CCM2L: variants seen among roughly 807,000 people sequenced by gnomAD.
The protein encoded by CCM2L is CCM2 like scaffold protein, also known as cerebral cavernous malformations 2 protein-like.
Under a neutral mutation model 54.1 loss-of-function variants are expected in CCM2L, and 36 were observed. The ratio of observed to expected loss-of-function variants is 0.67; its 90% confidence interval spans 0.51 to 0.88. The LOEUF (loss-of-function observed/expected upper bound fraction) is 0.88, where lower values mean the gene tolerates loss of function less well. Ranked by LOEUF, CCM2L falls within the 40% of genes least tolerant of loss-of-function variation. CCM2L has a pLI of 0.00. For missense variants in CCM2L, 700 were observed against 812.1 expected, an observed-to-expected ratio of 0.86 and a Z score of 1.68; for synonymous variants, 351 against 359.3, an observed-to-expected ratio of 0.98 and a Z score of 0.26.
At chr20:32,028,901 C>G (rs1281718175) in intron 7 of CCM2L, 94 bp from the exon 8 acceptor site, 1 of 1,510,940 alleles carries the variant, frequency 6.6e-7, no homozygotes, top group Non-Finnish European at 9.0e-7. Flanking sequence ...TGGAGGCCAG[C>G]ATGCAGTCTA....
intron 9 of CCM2L, 154 bp from the exon 10 acceptor site, chr20:32,030,847 A>G (rs986546803): frequency 1.6e-5 from 7 of 438,404 alleles, no homozygotes; most frequent in South Asian, 6.1e-5. Context: ...CTGTGTCGTT[A>G]TTCGCTGGCT....
At chr20:32,022,821 C>T in intron 6 of CCM2L, 26 bp downstream of exon 6, 1 of 1,610,476 alleles carries the variant, frequency 6.2e-7, no homozygotes, top group East Asian at 2.2e-5. Context: ...CCTGGCCTCC[C>T]CTCCTGTGAA....
chr20:32,030,403 G>A (rs2064910075), intron 9 of CCM2L, among the ~76,000 whole-genome samples: 1 of 152,170 alleles, frequency 6.6e-6, no homozygotes, highest in East Asian at 1.9e-4. Flanking sequence ...ACTGTTTACA[G>A]AGTGCTCAGT....
chr20:32,031,534 CGG>C lies in CCM2L; in HGVS notation c.*223_*224del. ...GGCCCTGAAGTCCGGGGCAGTCACC[CGG>C]GGCTCCTGGGCCGCTCTGCCGGGCT... On this transcript the variant is annotated 3_prime_UTR_variant, in exon 10 of 10. Transcript: ENST00000452892. The C allele has an allele frequency of 3.2e-6, 1 of 313,344 alleles. No homozygotes were observed. The highest frequency in any genetic ancestry group is 2.8e-5 in the South Asian group (1 of 35,296). 19.4% of individuals were successfully genotyped at this position (313,344 alleles called of 1,614,324 possible). A position where few individuals can be genotyped will look rare whatever the true frequency, so the allele number is the denominator to read the frequency against.
At position 32,031,395 on chromosome 20, in the gene CCM2L, C is replaced by CT; in HGVS notation, c.*81_*82insT. ...CTTCGGGGACCCTATCCCCAGGGCCCCCCCATCACACCTGGCGGGGCCGGG... is the reference window on the plus strand; with the variant it reads ...CTTCGGGGACCCTATCCCCAGGGCCCTCCCCATCACACCTGGCGGGGCCGGG... On this transcript the variant is annotated 3_prime_UTR_variant, in exon 10 of 10. Coordinates refer to ENST00000452892, the MANE Select transcript of CCM2L (RefSeq NM_001365692.1). The CT allele has an allele frequency of 1.1e-5, 13 of 1,147,918 alleles. No individual in the cohort carries two copies. The highest frequency in any genetic ancestry group is 1.4e-5 in the Non-Finnish European group (13 of 901,546). 71.1% of individuals were successfully genotyped at this position (1,147,918 alleles called of 1,614,324 possible).
Position 32,025,868 on chromosome 20 carries a change from A to G in CCM2L, c.1082A>G (p.His361Arg). The change falls in exon 7 of 10, where the codon CAC (histidine) becomes CGC (arginine). Residue 361 changes from histidine to arginine, a missense_variant. Coordinates refer to ENST00000452892, the MANE Select transcript of CCM2L (RefSeq NM_001365692.1). ...CTGCTGGTCCCAGGTGAGAGCTGCC[A>G]CACAGATGGGACGTATGCCTATGAT... Reference protein sequence around the residue: ...PWLCSRSESCHTDGTYAYDAD... With the variant: ...PWLCSRSESCRTDGTYAYDAD... The G allele has an allele frequency of 1.5e-6, 2 of 1,304,034 alleles. No homozygotes were observed. Among genetic ancestry groups the G allele is most frequent in the Non-Finnish European group, 2.0e-6 (2 of 988,926 alleles). 80.8% of individuals were successfully genotyped at this position (1,304,034 alleles called of 1,614,324 possible). A position where few individuals can be genotyped will look rare whatever the true frequency, so the allele number is the denominator to read the frequency against.
intron 1 of CCM2L, among the ~76,000 whole-genome samples, chr20:32,011,843 C>T (rs2064698054): frequency 6.6e-6 from 1 of 151,754 alleles, no homozygotes; most frequent in Non-Finnish European, 1.5e-5. Flanking sequence ...GCAGATGGGG[C>T]TGGACAGGTG....
At chr20:32,013,731 T>A (rs1156279336) in intron 1 of CCM2L, among the ~76,000 whole-genome samples, 2 of 152,084 alleles carry the variant, frequency 1.3e-5, no homozygotes, top group African/African-American at 4.8e-5. Context: ...ATTACAGGCG[T>A]AAACCACCAC....
chr20:32,014,164 A>G (rs2064717446), intron 1 of CCM2L, among the ~76,000 whole-genome samples: 4 of 151,350 alleles, frequency 2.6e-5, no homozygotes. Flanking sequence ...AGAAATAGCT[A>G]TGCACCCACC....
chr20:32,017,943 G>T lies in CCM2L; in HGVS notation c.283-36G>T, dbSNP rs762008536. ...GCTCCCTTCTCCCTCTTCTACCTGC[G>T]GACCTCGGGAACTCGAGATCTGCCC... On this transcript the variant is annotated intron_variant, in intron 3 of 9. Coordinates refer to ENST00000452892, the MANE Select transcript of CCM2L (RefSeq NM_001365692.1). 7.4e-6 allele frequency: 12 copies of T among 1,613,084 alleles called. No homozygotes were observed. The Admixed American group carries it at 2.0e-4, about 27-fold the overall frequency.
In CCM2L at chr20:32,019,105, G is replaced by A. The variant is rs1461883325; in HGVS notation, c.629G>A (p.Gly210Asp). The A allele has an allele frequency of 2.5e-6, 3 of 1,176,974 alleles. No individual in the cohort carries two copies. Among genetic ancestry groups the A allele is most frequent in the African/African-American group, 1.6e-5 (1 of 61,982 alleles). 72.9% of individuals were successfully genotyped at this position (1,176,974 alleles called of 1,614,324 possible). Residue 210 changes from glycine (G) to aspartate (D), a missense_variant, in exon 5 of 10, where the codon GGC (glycine) becomes GAC (aspartate). Coordinates refer to ENST00000452892, the MANE Select transcript of CCM2L (RefSeq NM_001365692.1). Reference sequence around the variant, plus strand: ...GACTGGCGGATGGGGTGGGGTGGGGGCGCCGCGGAGGCCCGGGCCGGGGGA... The same window carrying A: ...GACTGGCGGATGGGGTGGGGTGGGGACGCCGCGGAGGCCCGGGCCGGGGGA... ...SLDWRMGWGG[G>D]AAEARAGGGG...
chr20:32,025,056 C>CTTCT (rs75583214), intron 6 of CCM2L, among the ~76,000 whole-genome samples: 5,898 of 150,908 alleles, frequency 0.039, 148 homozygotes, highest in Middle Eastern at 0.054. Flanking sequence ...TCTCTTTCTT[C>CTTCT]TTCTTTCTTT....
intron 5 of CCM2L, among the ~76,000 whole-genome samples, chr20:32,021,823 TTGTC>T (rs1012140639): frequency 6.6e-6 from 1 of 152,224 alleles, no homozygotes; most frequent in Non-Finnish European, 1.5e-5. Flanking sequence ...CTCAGCATCT[TTGTC>T]TGTCCATTTT....
chr20:32,029,190 G>A, intron 8 of CCM2L, 66 bp downstream of exon 8: 1 of 1,604,466 alleles, frequency 6.2e-7, no homozygotes, highest in Admixed American at 1.7e-5. Context: ...AACATTTTGG[G>A]AATGGCACAT....
Position 32,029,752 on chromosome 20 carries a change from G to T in CCM2L, c.1316G>T (p.Arg439Leu). ...ATCCAGCAGTTTGCGATGCTGCTGC[G>T]GGAGTACCGGCTGGGGCTGCCCATC... ...LEIQQFAMLL[R>L]EYRLGLPIQD... The change falls in exon 9 of 10, where the codon CGG becomes CTG. Residue 439 changes from arginine to leucine, a missense_variant. Coordinates refer to ENST00000452892, the MANE Select transcript of CCM2L (RefSeq NM_001365692.1). 6.2e-7 allele frequency: 1 copy of T among 1,613,532 alleles called. No homozygotes were observed. The highest frequency in any genetic ancestry group is 8.5e-7 in the Non-Finnish European group (1 of 1,179,704).
At chr20:32,010,626 C>T in intron 1 of CCM2L, 142 bp downstream of exon 1, 1 of 783,542 alleles carries the variant, frequency 1.3e-6, no homozygotes, top group Non-Finnish European at 2.1e-6. Flanking sequence ...TTCCTTCCCA[C>T]TCTTGGACAG....
chr20:32,023,969 G>A (rs1022123701), intron 6 of CCM2L, among the ~76,000 whole-genome samples: 3 of 152,114 alleles, frequency 2.0e-5, no homozygotes, highest in Non-Finnish European at 4.4e-5. Context: ...TCTTGACCTC[G>A]TGATCTGCCT....
At position 32,019,375 on chromosome 20, in the gene CCM2L, A is replaced by T; in HGVS notation, c.899A>T (p.Tyr300Phe). 1 of 1,526,344 alleles carries T rather than the reference A, an allele frequency of 6.6e-7. No individual in the cohort carries two copies. The highest frequency in any genetic ancestry group is 8.7e-7 in the Non-Finnish European group (1 of 1,145,270). 94.6% of individuals were successfully genotyped at this position (1,526,344 alleles called of 1,614,324 possible). The change falls in exon 5 of 10, where the codon TAC becomes TTC. Residue 300 changes from tyrosine to phenylalanine, a missense_variant. Coordinates refer to ENST00000452892, the MANE Select transcript of CCM2L (RefSeq NM_001365692.1). ...LDPQDPSPDA[Y>F]CNLVILAVAN... ...CCGCAGGACCCCAGCCCCGACGCCT[A>T]CTGCAACCTGGTCATCCTGGCTGTA...
chr20:32,013,290 T>A (rs557595318), intron 1 of CCM2L, among the ~76,000 whole-genome samples: 14 of 152,188 alleles, frequency 9.2e-5, no homozygotes, highest in African/African-American at 3.4e-4. Flanking sequence ...CAGAGCAACA[T>A]CCTATCTCAA....
Sources: gnomAD v4.1 joint callset for allele counts (sites outside exome capture counted in the v4.1 genomes callset) on GRCh38, gnomAD v4.1.1 for gene constraint, MANE v1.5 for transcripts, NCBI Gene and HGNC (gene_info 2026-07-23, HGNC 2026-07-21) for gene names.